ST6GALNAC2: variants seen among roughly 807,000 people sequenced by gnomAD.
ST6GALNAC2 encodes the protein ST6 N-acetylgalactosaminide alpha-2,6-sialyltransferase 2.
ST6GALNAC2 carries 42 observed loss-of-function variants against 38.7 expected under a neutral mutation model. The ratio of observed to expected loss-of-function variants is 1.09; its 90% CI spans 0.85 to 1.40. The LOEUF (loss-of-function observed/expected upper bound fraction) is 1.40, where lower values mean the gene tolerates loss of function less well. ST6GALNAC2 is among the 40% of genes most tolerant of loss of function. ST6GALNAC2 has a pLI of 0.00. For missense variants in ST6GALNAC2, 506 were observed against 481.7 expected (o/e 1.05, Z -0.47); for synonymous variants, 233 against 209.0 (o/e 1.11, Z -0.99).
intron 1 of ST6GALNAC2, among the ~76,000 whole-genome samples, chr17:76,581,553 G>A (rs913619715): frequency 6.6e-6 from 1 of 152,162 alleles, no homozygotes; most frequent in Non-Finnish European, 1.5e-5. Context: ...GGGTAGAGCT[G>A]TAAAGGAGAT....
At chr17:76,582,740 T>C (rs1652133759) in intron 1 of ST6GALNAC2, among the ~76,000 whole-genome samples, 1 of 152,190 alleles carries the variant, frequency 6.6e-6, no homozygotes, top group Non-Finnish European at 1.5e-5. Flanking sequence ...GACTGTCCCC[T>C]GTAGCCAGGC....
intron 6 of ST6GALNAC2, chr17:76,569,666 A>T: frequency 2.5e-6 from 1 of 396,252 alleles, no homozygotes; most frequent in Non-Finnish European, 4.4e-6. Context: ...GGGGAGGCTT[A>T]GGTCCACCCG....
chr17:76,572,587 A>AACAATGGTGCCATTGTCAACC (rs2075364226), intron 5 of ST6GALNAC2, 50 bp downstream of exon 5: 1 of 1,608,382 alleles, frequency 6.2e-7, no homozygotes, highest in African/African-American at 1.3e-5. Flanking sequence ...GGACTCCAGG[A>AACAATGGTGCCATTGTCAACC]ACAATGGTGC....
At chr17:76,580,647 G>A (rs2075464349) in intron 1 of ST6GALNAC2, among the ~76,000 whole-genome samples, 2 of 151,168 alleles carry the variant, frequency 1.3e-5, no homozygotes, top group South Asian at 4.2e-4. Context: ...GTGAACCTGG[G>A]AGGTGGAGCT....
At chr17:76,575,420 G>A (rs900296070) in intron 2 of ST6GALNAC2, among the ~76,000 whole-genome samples, 3 of 152,202 alleles carry the variant, frequency 2.0e-5, no homozygotes, top group Admixed American at 6.5e-5. Context: ...GTCATATAGG[G>A]TGAGGTCAGG....
chr17:76,572,677 G>C lies in ST6GALNAC2; in HGVS notation c.629C>G (p.Ser210Cys). 1 of 1,614,150 alleles carries C rather than the reference G, an allele frequency of 6.2e-7. No homozygotes were observed. The highest frequency in any genetic ancestry group is 8.5e-7 in the Non-Finnish European group (1 of 1,180,030). The change falls in exon 5 of 9, where the codon TCC becomes TGC. Residue 210 changes from serine (S) to cysteine (C), a missense_variant. Physicochemically the swap from Ser to Cys is moderately radical, Grantham distance 112 (BLOSUM62 -1). Coordinates refer to ENST00000225276, the MANE Select transcript of ST6GALNAC2 (RefSeq NM_006456.3). ...GGAGGTGAAGCCCAGATTCCAGTAG[G>C]AGACGAGGGAGTTCTTCATCGTGTT... ...TVNTMKNSLVSYWNLGFTSVP... is the reference protein window; with the variant it reads ...TVNTMKNSLVCYWNLGFTSVP...
At chr17:76,582,653 T>A (rs1291145905) in intron 1 of ST6GALNAC2, among the ~76,000 whole-genome samples, 1 of 152,208 alleles carries the variant, frequency 6.6e-6, no homozygotes, top group Non-Finnish European at 1.5e-5. Context: ...ATGCCCAGAC[T>A]GGGCTCCACT....
chr17:76,574,576 T>C (rs1328792785), intron 2 of ST6GALNAC2, 37 bp from the exon 3 acceptor site: 1 of 1,054,838 alleles, frequency 9.5e-7, no homozygotes, highest in Non-Finnish European at 1.3e-6. Context: ...CCCCGTTAGG[T>C]AGGGGCTGGG....
chr17:76,579,468 A>G (rs1282597193), intron 1 of ST6GALNAC2, among the ~76,000 whole-genome samples: 3 of 152,352 alleles, frequency 2.0e-5, no homozygotes, highest in Admixed American at 2.0e-4. Context: ...ATTAGGTCTG[A>G]GATGACTGGG....
At position 76,578,797 on chromosome 17, in the gene ST6GALNAC2, CT is replaced by C; in HGVS notation, c.144del (p.Ala49HisfsTer57). On this transcript the variant is annotated frameshift_variant, in exon 2 of 9. Coordinates refer to ENST00000225276, the MANE Select transcript of ST6GALNAC2 (RefSeq NM_006456.3). LOFTEE classifies it high-confidence loss of function. ...TTCGATGCCTTGGATTGAAAGAATG[CT>C]TCAAATGATGTGGTGTCCCTGGGGG... ...AAGARDTTSF[E>X]AFFQSKASNS... is the part of the protein sequence containing the mutation. 3 of 1,613,614 alleles carry C rather than the reference CT, an allele frequency of 1.9e-6. No individual in the cohort carries two copies. Among genetic ancestry groups the C allele is most frequent in the Non-Finnish European group, 2.5e-6 (3 of 1,179,828 alleles).
chr17:76,578,089 A>T (rs1231450940), intron 2 of ST6GALNAC2, among the ~76,000 whole-genome samples: 1 of 152,132 alleles, frequency 6.6e-6, no homozygotes, highest in South Asian at 2.1e-4. Flanking sequence ...TCGGCAGCAC[A>T]TGGAGCCAGG....
chr17:76,576,243 AAAAAC>A (rs1307544036), intron 2 of ST6GALNAC2, among the ~76,000 whole-genome samples: 2 of 152,200 alleles, frequency 1.3e-5, no homozygotes, highest in Admixed American at 6.5e-5. Context: ...ACCCCATCTC[AAAAAC>A]AAAACAAAAC....
Position 76,573,344 on chromosome 17 carries a change from G to T in ST6GALNAC2, c.381C>A (p.Ser127Arg). 1 of 1,561,502 alleles carries T rather than the reference G, an allele frequency of 6.4e-7. No homozygotes were observed. The highest frequency in any genetic ancestry group is 8.7e-7 in the Non-Finnish European group (1 of 1,152,782). The part of the protein sequence containing the change: ...LSHQVIASTL[S>R]LLNGSESAKL... ...TGGCACTCTCTGAGCCGTTCAGAAGGCTCAGGGTGGAGGCGATGACTGTGG... is the reference window on the plus strand; with the variant it reads ...TGGCACTCTCTGAGCCGTTCAGAAGTCTCAGGGTGGAGGCGATGACTGTGG... The change falls in exon 4 of 9, where the codon AGC becomes AGA. Residue 127 changes from serine to arginine, a missense_variant. Coordinates refer to ENST00000225276, the MANE Select transcript of ST6GALNAC2 (RefSeq NM_006456.3). The surrounding 1 kb of genome is among the most constrained non-coding windows in gnomAD (Gnocchi z 5.1).
intron 2 of ST6GALNAC2, 30 bp from the exon 3 acceptor site, chr17:76,574,569 C>T (rs760681491): frequency 1.6e-4 from 90 of 550,212 alleles, no homozygotes; most frequent in Non-Finnish European, 2.8e-4. Context: ...GGCTGAGCCC[C>T]GTTAGGTAGG....
In ST6GALNAC2 at chr17:76,582,232, C is replaced by T. The variant is rs1276864863; in HGVS notation, c.126-3416G>A. Among the ~76,000 whole-genome samples the T allele has an allele frequency of 3.9e-5, 5 of 126,714 alleles. No individual in the cohort carries two copies. In the East Asian group the frequency reaches 7.4e-4, roughly 19 times the overall value. The allele number at this position is 126,714 out of a possible 152,430, so 83.1% of individuals were successfully genotyped here. On this transcript the variant is annotated intron_variant, in intron 1 of 8. Coordinates refer to ENST00000225276, the MANE Select transcript of ST6GALNAC2 (RefSeq NM_006456.3). ...TGTCACTCAGGCTGGAGTGCAGTGG[C>T]AGGATCTTGGCTCACTACAGCCTTG... is the stretch of plus-strand genomic sequence containing the variant.
chr17:76,578,750 C>G lies in ST6GALNAC2; in HGVS notation c.186+6G>C. 6.2e-7 allele frequency: 1 copy of G among 1,612,894 alleles called. No individual in the cohort carries two copies. Among genetic ancestry groups the G allele is most frequent in the South Asian group, 1.1e-5 (1 of 90,912 alleles). On this transcript the variant is annotated splice_donor_region_variant and intron_variant, in intron 2 of 8. Coordinates refer to ENST00000225276, the MANE Select transcript of ST6GALNAC2 (RefSeq NM_006456.3). ...AAAACTGCCACAGGGTAGTCGACCA[C>G]TCTACCTTTCCTGTCCAAGAATTCG...
chr17:76,574,914 G>C (rs1319685962), intron 2 of ST6GALNAC2, among the ~76,000 whole-genome samples: 1 of 152,054 alleles, frequency 6.6e-6, no homozygotes, highest in Non-Finnish European at 1.5e-5. Context: ...CTGACCTCGT[G>C]ATCCACCCGC....
chr17:76,574,796 C>T (rs1598254565), intron 2 of ST6GALNAC2, among the ~76,000 whole-genome samples: 1 of 152,150 alleles, frequency 6.6e-6, no homozygotes, highest in Non-Finnish European at 1.5e-5. Context: ...CCTGCCTCAG[C>T]CTGCCGAGTA....
chr17:76,569,461 G>A (rs1472013629), intron 6 of ST6GALNAC2: 9 of 377,322 alleles, frequency 2.4e-5, no homozygotes, highest in African/African-American at 9.0e-5. Flanking sequence ...GTTCAGGGAC[G>A]AAGTCCGGGA....
Sources: allele counts gnomAD v4.1 joint callset (sites outside exome capture counted in the v4.1 genomes callset), GRCh38; gene constraint gnomAD v4.1.1; non-coding constraint Gnocchi (gnomAD v3.1); transcripts MANE v1.5; gene names NCBI Gene and HGNC (gene_info 2026-07-23, HGNC 2026-07-21).